The following AKR1C8 variants were observed in gnomAD, a reference collection of about 807,000 sequenced individuals.
The protein encoded by AKR1C8 is aldo-keto reductase family 1 member C8.
At chr10:5,148,813 G>T in the AKR1C8 span, among the ~76,000 whole-genome samples, 2 of 152,078 alleles carry the variant, frequency 1.3e-5, no homozygotes, top group African/African-American at 4.8e-5. Context: ...TGAGTATGGG[G>T]TCCAGAGAAT....
At chr10:5,145,840 A>T in the AKR1C8 span, among the ~76,000 whole-genome samples, 1 of 152,132 alleles carries the variant, frequency 6.6e-6, no homozygotes, top group Non-Finnish European at 1.5e-5. Flanking sequence ...CAGCCATCCC[A>T]TTACTGGGTA....
At chr10:5,155,834 G>C in the AKR1C8 span, 1 of 402,878 alleles carries the variant, frequency 2.5e-6, no homozygotes, top group South Asian at 1.9e-5. Flanking sequence ...GACTTTCCAG[G>C]AGGCAGAGGC....
chr10:5,139,889 C>T, the AKR1C8 span, among the ~76,000 whole-genome samples: 1 of 151,940 alleles, frequency 6.6e-6, no homozygotes, highest in African/African-American at 2.4e-5. Flanking sequence ...ATTTTTGCAA[C>T]CTACCCATCT....
chr10:5,183,708 CAGTT>C, the AKR1C8 span, among the ~76,000 whole-genome samples: 10 of 152,080 alleles, frequency 6.6e-5, no homozygotes, highest in East Asian at 3.8e-4. Context: ...AAAACTTAAA[CAGTT>C]AGAGTGAGTT....
the AKR1C8 span, among the ~76,000 whole-genome samples, chr10:5,127,741 A>G: frequency 3.4e-5 from 5 of 147,770 alleles, no homozygotes; most frequent in South Asian, 2.1e-4. Flanking sequence ...AAAAAAAAAA[A>G]AAAAAAAAGA....
At chr10:5,182,319 A>G in the AKR1C8 span, among the ~76,000 whole-genome samples, 1 of 152,224 alleles carries the variant, frequency 6.6e-6, no homozygotes, top group African/African-American at 2.4e-5. Context: ...TTCCCTTTGA[A>G]TAATCAAACT....
the AKR1C8 span, among the ~76,000 whole-genome samples, chr10:5,118,871 T>G: frequency 4.1e-3 from 621 of 152,190 alleles, 5 homozygotes; most frequent in African/African-American, 0.013. Flanking sequence ...ACAGTAAACA[T>G]GCCTTCCATT....
At chr10:5,145,630 A>T in the AKR1C8 span, among the ~76,000 whole-genome samples, 1 of 152,218 alleles carries the variant, frequency 6.6e-6, no homozygotes, top group Non-Finnish European at 1.5e-5. Context: ...GAGAAATGCA[A>T]ATCAAAACCA....
At chr10:5,118,033 C>T in the AKR1C8 span, among the ~76,000 whole-genome samples, 2 of 152,130 alleles carry the variant, frequency 1.3e-5, no homozygotes, top group Non-Finnish European at 2.9e-5. Flanking sequence ...GCCATTTCAT[C>T]CCAATAGTTC....
chr10:5,128,136 TA>T, the AKR1C8 span, among the ~76,000 whole-genome samples: 1 of 152,162 alleles, frequency 6.6e-6, no homozygotes, highest in African/African-American at 2.4e-5. Flanking sequence ...TTAGCCTTCT[TA>T]AACAAAATAA....
chr10:5,168,780 G>A, the AKR1C8 span, among the ~76,000 whole-genome samples: 1 of 152,044 alleles, frequency 6.6e-6, no homozygotes, highest in Non-Finnish European at 1.5e-5. Flanking sequence ...AATAACAAGA[G>A]AGCCAATATC....
the AKR1C8 span, among the ~76,000 whole-genome samples, chr10:5,159,230 G>A: frequency 2.0e-5 from 3 of 152,216 alleles, no homozygotes; most frequent in Non-Finnish European, 2.9e-5. Flanking sequence ...TCATAAATTC[G>A]CATGGCATTA....
At chr10:5,131,892 T>G in the AKR1C8 span, among the ~76,000 whole-genome samples, 1 of 152,118 alleles carries the variant, frequency 6.6e-6, no homozygotes, top group Non-Finnish European at 1.5e-5. Flanking sequence ...CACACACGTG[T>G]ATAGCAGTGC....
the AKR1C8 span, among the ~76,000 whole-genome samples, chr10:5,170,973 T>C: frequency 6.6e-6 from 1 of 152,234 alleles, no homozygotes; most frequent in Admixed American, 6.5e-5. Flanking sequence ...AAGCTGTTAA[T>C]AGCTCAAAAG....
the AKR1C8 span, among the ~76,000 whole-genome samples, chr10:5,169,274 A>G: frequency 1.1e-4 from 16 of 152,300 alleles, no homozygotes; most frequent in Admixed American, 1.0e-3. Context: ...CTCCTGTTCT[A>G]TAATTCCAGA....
the AKR1C8 span, chr10:5,157,531 G>A: frequency 1.4e-5 from 5 of 368,394 alleles, no homozygotes; most frequent in Non-Finnish European, 2.8e-5. Context: ...GCACAGAGTG[G>A]AGAGCACAGG....
the AKR1C8 span, among the ~76,000 whole-genome samples, chr10:5,139,308 T>C: frequency 1.3e-5 from 2 of 152,052 alleles, no homozygotes; most frequent in East Asian, 1.9e-4. Context: ...TACTTTAAAG[T>C]TCATATGGAA....
chr10:5,122,267 G>T, the AKR1C8 span: 1 of 252,044 alleles, frequency 4.0e-6, no homozygotes, highest in Non-Finnish European at 8.1e-6. Context: ...GATGGCATTA[G>T]GGGAGGCATT....
At chr10:5,172,762 C>A in the AKR1C8 span, among the ~76,000 whole-genome samples, 1 of 151,992 alleles carries the variant, frequency 6.6e-6, no homozygotes, top group South Asian at 2.1e-4. Flanking sequence ...GTTCCACAGC[C>A]TTTTTTTCTT....
Sources: allele counts gnomAD v4.1 joint callset (sites outside exome capture counted in the v4.1 genomes callset), GRCh38; gene constraint gnomAD v4.1.1; transcripts MANE v1.5; gene names NCBI Gene and HGNC (gene_info 2026-07-23, HGNC 2026-07-21).